SLC25A53: variants seen among roughly 807,000 people sequenced by gnomAD.
The protein encoded by SLC25A53 is mitochondrial carrier triple repeat protein 6.
Under a neutral mutation model 15.0 loss-of-function variants are expected in SLC25A53, and 5 were observed. That is an observed-to-expected ratio of 0.33 (90% CI 0.17 to 0.70). The LOEUF is 0.70. SLC25A53 is among the 30% of genes least tolerant of loss of function. The probability of loss-of-function intolerance (pLI) is 0.67; values close to 1 mark genes in which losing one functional copy is unlikely to be tolerated. For missense variants in SLC25A53, 216 were observed against 241.6 expected (o/e 0.89, Z 0.70); for synonymous variants, 95 against 100.0 (o/e 0.95, Z 0.30).
rs376980061 is a variant in SLC25A53, at chrX:104,145,359, G to A, written c.-32+11519C>T. Among the ~76,000 whole-genome samples the A allele has an allele frequency of 7.2e-5, 8 of 111,642 alleles. No homozygotes were observed. In the South Asian group the frequency reaches 1.1e-3, roughly 15 times the overall value. On this transcript the variant is annotated intron_variant, in intron 1 of 1. Coordinates refer to ENST00000594199, the MANE Select transcript of SLC25A53 (RefSeq NM_001012755.5). ...CACTAAATGCCCACAAGAGAAAGCA[G>A]GAAGATTAAAATCAACACCCTAATA...
intron 1 of SLC25A53, among the ~76,000 whole-genome samples, chrX:104,110,016 C>G (rs2075331590): frequency 9.0e-6 from 1 of 111,612 alleles, no homozygotes; most frequent in Admixed American, 9.5e-5. Context: ...GTTGCAAATA[C>G]TACCCCCATC....
intron 1 of SLC25A53, among the ~76,000 whole-genome samples, chrX:104,129,856 ATGTATG>A (rs1406916865): frequency 6.7e-4 from 34 of 50,430 alleles, no homozygotes; most frequent in Admixed American, 2.0e-3. Flanking sequence ...ATCCACACAA[ATGTATG>A]TGTGTGTGTG....
At chrX:104,117,730 A>T (rs1440297752) in intron 1 of SLC25A53, among the ~76,000 whole-genome samples, 2 of 111,163 alleles carry the variant, frequency 1.8e-5, no homozygotes, top group Non-Finnish European at 3.8e-5. Context: ...TTGCCCACTC[A>T]TCTCTCCAAG....
intron 1 of SLC25A53, chrX:104,114,231 G>T: frequency 1.7e-6 from 2 of 1,208,670 alleles, no homozygotes; most frequent in Non-Finnish European, 2.2e-6. Context: ...TGGTCAAAAT[G>T]GCAGAGAGAA....
At chrX:104,127,026 T>C (rs186186053) in intron 1 of SLC25A53, among the ~76,000 whole-genome samples, 1 of 112,255 alleles carries the variant, frequency 8.9e-6, no homozygotes, top group African/African-American at 3.2e-5. Context: ...AATGAAAACT[T>C]ATAGTCACAC....
intron 1 of SLC25A53, among the ~76,000 whole-genome samples, chrX:104,119,635 C>G (rs1556362271): frequency 9.0e-6 from 1 of 110,540 alleles, no homozygotes; most frequent in Non-Finnish European, 1.9e-5. Flanking sequence ...TTACAACAAG[C>G]CCTGAGATAG....
intron 1 of SLC25A53, among the ~76,000 whole-genome samples, chrX:104,145,063 A>G (rs2147879247): frequency 8.9e-6 from 1 of 112,184 alleles, no homozygotes; most frequent in East Asian, 2.8e-4. Flanking sequence ...AGTTGGAAGT[A>G]AAACACTCCT....
At chrX:104,140,685 A>G (rs1356854297) in intron 1 of SLC25A53, among the ~76,000 whole-genome samples, 7 of 111,419 alleles carry the variant, frequency 6.3e-5, no homozygotes, top group East Asian at 2.8e-4. Context: ...ATCTCTGGGG[A>G]AAAAAATGAG....
chrX:104,121,882 T>TC (rs2075394120), intron 1 of SLC25A53, among the ~76,000 whole-genome samples: 214 of 1,234 alleles, frequency 0.17, 68 homozygotes, highest in Non-Finnish European at 0.24. Context: ...ATGATATATA[T>TC]ATATATATAT....
At chrX:104,143,434 G>A (rs782732304) in intron 1 of SLC25A53, among the ~76,000 whole-genome samples, 2 of 112,096 alleles carry the variant, frequency 1.8e-5, no homozygotes, top group South Asian at 7.5e-4. Flanking sequence ...GAAAAACACA[G>A]TATGAGAACT....
intron 1 of SLC25A53, chrX:104,112,420 C>G (rs1443197974): frequency 8.8e-6 from 1 of 114,101 alleles, no homozygotes; most frequent in Non-Finnish European, 1.9e-5. Flanking sequence ...GCCGGCCAGC[C>G]GGCCCGCTCC....
intron 1 of SLC25A53, among the ~76,000 whole-genome samples, chrX:104,111,428 G>A (rs2147865859): frequency 9.0e-6 from 1 of 110,909 alleles, no homozygotes; most frequent in Non-Finnish European, 1.9e-5. Context: ...CCTCTTTGGG[G>A]TCACAAAGGG....
intron 1 of SLC25A53, among the ~76,000 whole-genome samples, chrX:104,123,471 G>A (rs2075400830): frequency 8.9e-6 from 1 of 112,633 alleles, no homozygotes; most frequent in African/African-American, 3.2e-5. Context: ...CTAGGGTCAG[G>A]CAGGAAGCTC....
intron 1 of SLC25A53, among the ~76,000 whole-genome samples, chrX:104,133,483 G>A (rs1385474777): frequency 9.9e-5 from 11 of 111,095 alleles, no homozygotes; most frequent in African/African-American, 3.6e-4. Flanking sequence ...AGGACCTACA[G>A]CACCCACCGA....
rs141959264 is a variant in SLC25A53 at position 104,104,446 on chromosome X, C to T, written c.812G>A (p.Arg271His). ...CCTTAGGATGACTAGGGAGCCTCCA[C>T]GGTAGATCAGGAGCAGCTTTCGGCC... ...TRGRKLLLIY[R>H]GGSLVILRSS... The change falls in exon 2 of 2, where the codon CGT becomes CAT. Residue 271 changes from arginine to histidine, a missense_variant. Transcript: ENST00000594199. 2.4e-4 allele frequency: 292 copies of T among 1,210,272 alleles called. No homozygotes were observed. The highest frequency in any genetic ancestry group is 3.1e-4 in the Non-Finnish European group (275 of 895,202).
intron 1 of SLC25A53, chrX:104,112,405 G>T: frequency 8.7e-6 from 1 of 114,586 alleles, no homozygotes; most frequent in South Asian, 3.2e-4. Context: ...CCCGCCCGCC[G>T]GCCCGCCGGC....
At chrX:104,115,559 GACTTTAT>G (rs1414052451) in intron 1 of SLC25A53, 17 of 307,145 alleles carry the variant, frequency 5.5e-5, no homozygotes, top group Middle Eastern at 9.0e-4. Flanking sequence ...TTTCTTTGAT[GACTTTAT>G]ACTTTTTATG....
intron 1 of SLC25A53, among the ~76,000 whole-genome samples, chrX:104,126,963 A>G (rs1489364542): frequency 5.3e-5 from 6 of 112,640 alleles, no homozygotes; most frequent in African/African-American, 1.9e-4. Flanking sequence ...GAGACTAAAC[A>G]TGTACTTATC....
At chrX:104,138,927 G>A (rs2075443898) in intron 1 of SLC25A53, among the ~76,000 whole-genome samples, 2 of 112,018 alleles carry the variant, frequency 1.8e-5, no homozygotes, top group Non-Finnish European at 3.8e-5. Context: ...GTGTCTGCCT[G>A]CTAGCGTCTC....
Sources: gnomAD v4.1 joint callset for allele counts (sites outside exome capture counted in the v4.1 genomes callset) on GRCh38, gnomAD v4.1.1 for gene constraint, MANE v1.5 for transcripts, NCBI Gene and HGNC (gene_info 2026-07-23, HGNC 2026-07-21) for gene names.